TMCO5A: variants seen among roughly 807,000 people sequenced by gnomAD.
TMCO5A encodes transmembrane and coiled-coil domain-containing protein 5A.
Under a neutral mutation model 42.3 loss-of-function variants are expected in TMCO5A, and 34 were observed. The observed-to-expected ratio is 0.80, with a 90% CI of 0.61 to 1.07. The LOEUF is 1.07. Ranked by LOEUF, TMCO5A falls within the 50% of genes least tolerant of loss-of-function variation. The pLI, the probability that TMCO5A is intolerant of heterozygous loss-of-function variation, is 0.00. For synonymous variants in TMCO5A, 131 were observed against 115.6 expected, an observed-to-expected ratio of 1.13 and a Z score of -0.86; for missense variants, 357 against 327.9, an observed-to-expected ratio of 1.09 and a Z score of -0.69.
the TMCO5A span, among the ~76,000 whole-genome samples, chr15:37,981,200 C>CAAAAAAAAAAAAAAAAAAAAA: frequency 3.1e-5 from 2 of 65,322 alleles, no homozygotes; most frequent in African/African-American, 1.1e-4. Flanking sequence ...AGAAAGCCAG[C>CAAAAAAAAAAAAAAAAAAAAA]AAAAAAAAAA....
chr15:37,999,646 G>A, the TMCO5A span, among the ~76,000 whole-genome samples: 2 of 152,074 alleles, frequency 1.3e-5, no homozygotes, highest in East Asian at 1.9e-4. Context: ...CTCATTCAGT[G>A]TTATACTAGC....
chr15:37,968,574 C>A (rs1890611044), downstream of TMCO5A, among the ~76,000 whole-genome samples: 2 of 150,026 alleles, frequency 1.3e-5, no homozygotes, highest in Non-Finnish European at 3.0e-5. Flanking sequence ...CTCTACACTT[C>A]TACATTTCTT....
chr15:37,971,724 G>A (rs540515273), downstream of TMCO5A, among the ~76,000 whole-genome samples: 106 of 152,144 alleles, frequency 7.0e-4, no homozygotes, highest in African/African-American at 2.4e-3. Context: ...CAACTTCAAA[G>A]TTCCACAAAT....
chr15:38,005,264 G>GAA, the TMCO5A span, among the ~76,000 whole-genome samples: 9 of 89,304 alleles, frequency 1.0e-4, no homozygotes, highest in Non-Finnish European at 2.3e-4. Flanking sequence ...GTACTTGACA[G>GAA]AAAAAAAAAA....
downstream of TMCO5A, among the ~76,000 whole-genome samples, chr15:37,970,722 G>T (rs1207075454): frequency 6.6e-6 from 1 of 152,202 alleles, no homozygotes; most frequent in Non-Finnish European, 1.5e-5. Flanking sequence ...CCAAATGGGA[G>T]AAATTAACCA....
intron 11 of TMCO5A, among the ~76,000 whole-genome samples, chr15:37,961,556 T>G (rs72707407): frequency 0.21 from 31,901 of 151,710 alleles, 3,534 homozygotes; most frequent in Admixed American, 0.3. Flanking sequence ...ATTTTAGATT[T>G]TTTTTCTATT....
At chr15:38,010,402 A>T in the TMCO5A span, among the ~76,000 whole-genome samples, 1 of 133,840 alleles carries the variant, frequency 7.5e-6, no homozygotes, top group African/African-American at 2.9e-5. Flanking sequence ...AAAAAAAAAA[A>T]AAAAGAGGGA....
the TMCO5A span, among the ~76,000 whole-genome samples, chr15:37,984,306 A>G: frequency 2.0e-5 from 3 of 152,104 alleles, no homozygotes; most frequent in Non-Finnish European, 2.9e-5. Context: ...ATTTTTTTTT[A>G]TCACAACTGG....
chr15:38,008,130 C>G, the TMCO5A span, among the ~76,000 whole-genome samples: 1 of 151,344 alleles, frequency 6.6e-6, no homozygotes, highest in Non-Finnish European at 1.5e-5. Flanking sequence ...CTCCTGACCT[C>G]GTGATCTGCC....
downstream of TMCO5A, among the ~76,000 whole-genome samples, chr15:37,972,023 G>A (rs748058448): frequency 1.3e-5 from 2 of 152,142 alleles, no homozygotes; most frequent in Non-Finnish European, 2.9e-5. Context: ...CTTTTCAGCA[G>A]TGCCCCACTC....
chr15:38,002,714 C>A, the TMCO5A span, among the ~76,000 whole-genome samples: 1 of 151,938 alleles, frequency 6.6e-6, no homozygotes, highest in Non-Finnish European at 1.5e-5. Context: ...AAAATTATTT[C>A]AATCTCTTCA....
At chr15:37,977,954 G>T in the TMCO5A span, among the ~76,000 whole-genome samples, 1 of 152,186 alleles carries the variant, frequency 6.6e-6, no homozygotes, top group Non-Finnish European at 1.5e-5. Context: ...TCTCCTTATG[G>T]AGGCTGCAGC....
At chr15:38,000,129 G>A in the TMCO5A span, among the ~76,000 whole-genome samples, 3 of 152,136 alleles carry the variant, frequency 2.0e-5, no homozygotes, top group Admixed American at 2.0e-4. Flanking sequence ...GTAGAATTCA[G>A]CAATGATGCC....
At chr15:38,002,542 T>A in the TMCO5A span, among the ~76,000 whole-genome samples, 1 of 152,050 alleles carries the variant, frequency 6.6e-6, no homozygotes, top group East Asian at 1.9e-4. Context: ...TTTTTATTCT[T>A]TTTTTTCTTT....
chr15:37,983,406 TG>T, the TMCO5A span, among the ~76,000 whole-genome samples: 1 of 152,182 alleles, frequency 6.6e-6, no homozygotes, highest in Admixed American at 6.5e-5. Context: ...CCCCAAAGCT[TG>T]GCCTGTCTGT....
chr15:37,987,456 T>C, the TMCO5A span, among the ~76,000 whole-genome samples: 1 of 151,958 alleles, frequency 6.6e-6, no homozygotes, highest in African/African-American at 2.4e-5. Context: ...ATCTAAAAAA[T>C]TGCCAAATCT....
the TMCO5A span, among the ~76,000 whole-genome samples, chr15:38,019,511 T>C: frequency 5.3e-5 from 8 of 152,244 alleles, 1 homozygote; most frequent in South Asian, 1.5e-3. Flanking sequence ...CAAAATTGAG[T>C]TGAAAGTACA....
At chr15:37,940,494 C>A (rs188704944) in intron 6 of TMCO5A, among the ~76,000 whole-genome samples, 5 of 152,222 alleles carry the variant, frequency 3.3e-5, no homozygotes, top group Admixed American at 2.0e-4. Flanking sequence ...AGGCCTTTGC[C>A]AACCACCTAC....
chr15:38,012,115 C>G, the TMCO5A span, among the ~76,000 whole-genome samples: 1 of 114,512 alleles, frequency 8.7e-6, no homozygotes, highest in Non-Finnish European at 2.0e-5. Context: ...CAGAGCGAGA[C>G]TCCGTCTCAA....
Sources: gnomAD v4.1 joint callset for allele counts (sites outside exome capture counted in the v4.1 genomes callset) on GRCh38, gnomAD v4.1.1 for gene constraint, MANE v1.5 for transcripts, NCBI Gene and HGNC (gene_info 2026-07-23, HGNC 2026-07-21) for gene names.